CSMD1: variants seen among roughly 807,000 people sequenced by gnomAD.
The protein encoded by CSMD1 is CUB and sushi domain-containing protein 1.
In CSMD1, 213 loss-of-function variants were observed where a neutral mutation model predicts 417.5. The ratio of observed to expected loss-of-function variants is 0.51; its 90% CI spans 0.46 to 0.57. The LOEUF is 0.57. Among genes scored for constraint, CSMD1 ranks in the 20% least tolerant of loss-of-function variants. The pLI, the probability that CSMD1 is intolerant of heterozygous loss-of-function variation, is 0.00. For synonymous variants in CSMD1, 2,862 were observed against 1,736.8 expected, an observed-to-expected ratio of 1.65 and a Z score of -16.11; for missense variants, 6,923 against 4,529.7, an observed-to-expected ratio of 1.53 and a Z score of -15.17.
chr8:4,023,869 G>C (rs1230888988), intron 4 of CSMD1, among the ~76,000 whole-genome samples: 2 of 142,784 alleles, frequency 1.4e-5, no homozygotes, highest in African/African-American at 5.2e-5. Flanking sequence ...TGCCCGCCTT[G>C]GCCTCCCAAA....
intron 3 of CSMD1, among the ~76,000 whole-genome samples, chr8:4,313,897 C>G (rs895703863): frequency 1.3e-5 from 2 of 151,876 alleles, no homozygotes; most frequent in African/African-American, 4.8e-5. Flanking sequence ...ACCTGTAATC[C>G]CAGCTACTTG....
Position 4,850,194 on chromosome 8 carries a change from T to C in CSMD1, c.85+144138A>G, listed in dbSNP as rs573834650. ...AAAATGTATATGAAGATCATTAACC[T>C]ATTTTTTAACTGGGTTATCTGTCAT... On this transcript the variant is annotated intron_variant, in intron 1 of 69. Transcript: ENST00000635120. 9.9e-5 allele frequency among the ~76,000 whole-genome samples: 15 copies of C among 152,256 alleles called. No homozygotes were observed. In the South Asian group the frequency reaches 3.1e-3, roughly 32 times the overall value.
At chr8:3,743,861 T>C (rs1182080688) in intron 6 of CSMD1, among the ~76,000 whole-genome samples, 1 of 152,166 alleles carries the variant, frequency 6.6e-6, no homozygotes, top group Non-Finnish European at 1.5e-5. Flanking sequence ...ATTTCGTCTA[T>C]GTTATCGTAT....
intron 26 of CSMD1, among the ~76,000 whole-genome samples, chr8:3,233,002 T>C (rs982402304): frequency 1.3e-5 from 2 of 152,218 alleles, no homozygotes; most frequent in African/African-American, 4.8e-5. Flanking sequence ...CCTCATACAT[T>C]AAATATTATT....
chr8:3,238,527 G>A (rs976263751), intron 26 of CSMD1, among the ~76,000 whole-genome samples: 4 of 152,090 alleles, frequency 2.6e-5, no homozygotes, highest in Non-Finnish European at 5.9e-5. Flanking sequence ...GCTGCTTGGA[G>A]CGAGACTACG....
At chr8:3,447,804 C>A (rs890143972) in intron 12 of CSMD1, among the ~76,000 whole-genome samples, 1 of 152,126 alleles carries the variant, frequency 6.6e-6, no homozygotes, top group African/African-American at 2.4e-5. Context: ...CAGAATTGAG[C>A]AGGACCACTT....
intron 5 of CSMD1, among the ~76,000 whole-genome samples, chr8:3,821,634 T>A (rs540800937): frequency 6.6e-6 from 1 of 152,156 alleles, no homozygotes; most frequent in African/African-American, 2.4e-5. Flanking sequence ...ATACAAAAAT[T>A]AGCCGGGCAT....
At chr8:4,261,068 C>A (rs1563352541) in intron 3 of CSMD1, among the ~76,000 whole-genome samples, 1 of 152,070 alleles carries the variant, frequency 6.6e-6, no homozygotes. Flanking sequence ...ATTCCGGATA[C>A]CTTGTTTTGT....
chr8:4,341,151 T>C (rs1800454733), intron 3 of CSMD1, among the ~76,000 whole-genome samples: 1 of 152,060 alleles, frequency 6.6e-6, no homozygotes, highest in Non-Finnish European at 1.5e-5. Flanking sequence ...TCCAAGCATT[T>C]TGAATTAGTA....
intron 48 of CSMD1, among the ~76,000 whole-genome samples, chr8:3,090,583 C>G (rs6558716): frequency 0.73 from 110,986 of 152,022 alleles, 40,933 homozygotes; most frequent in African/African-American, 0.82. Flanking sequence ...GCTGTTTTAA[C>G]ACTGTTTCCT....
chr8:3,537,141 C>T (rs748189864), intron 10 of CSMD1, among the ~76,000 whole-genome samples: 2 of 152,036 alleles, frequency 1.3e-5, no homozygotes, highest in Non-Finnish European at 2.9e-5. Flanking sequence ...GTAGCTGGGA[C>T]TACAGGTGCC....
intron 1 of CSMD1, among the ~76,000 whole-genome samples, chr8:4,841,437 CAT>C (rs1800829503): frequency 1.3e-5 from 2 of 152,254 alleles, no homozygotes; most frequent in South Asian, 2.1e-4. Flanking sequence ...ATCCCTACCA[CAT>C]GTTATGTGTT....
rs766947953 is a variant in CSMD1 at position 3,396,317 on chromosome 8, G to C, written c.2470C>G (p.Leu824Val). ...TGGGTGCCGTGGTACTCGCCGATCA[G>C]TGGGGACGAACTGGCTGGCCCATCT... ...VRDGPASSSPLIGEYHGTQAP... is the reference protein window; with the variant it reads ...VRDGPASSSPVIGEYHGTQAP... The change falls in exon 17 of 70, where the codon CTG becomes GTG. Residue 824 changes from leucine (L) to valine (V), a missense_variant. Transcript: ENST00000635120. 5.0e-6 allele frequency: 8 copies of C among 1,608,168 alleles called. No individual in the cohort carries two copies. The Admixed American group carries it at 1.0e-4, about 20-fold the overall frequency.
intron 1 of CSMD1, among the ~76,000 whole-genome samples, chr8:4,829,898 G>C (rs1376219105): frequency 6.6e-6 from 1 of 152,150 alleles, no homozygotes; most frequent in Admixed American, 6.5e-5. Flanking sequence ...AGTCCTTATA[G>C]GTAATGCCAC....
intron 5 of CSMD1, among the ~76,000 whole-genome samples, chr8:3,829,424 T>A (rs1037131604): frequency 2.0e-5 from 3 of 152,116 alleles, no homozygotes; most frequent in African/African-American, 7.2e-5. Context: ...ATGAGATAAG[T>A]CAATACCGGT....
intron 7 of CSMD1, among the ~76,000 whole-genome samples, chr8:3,691,258 C>T (rs1423831481): frequency 6.6e-6 from 1 of 152,016 alleles, no homozygotes; most frequent in Non-Finnish European, 1.5e-5. Context: ...ATCCCAGCTA[C>T]TCAGGAGGCT....
At position 3,045,380 on chromosome 8, in the gene CSMD1, T is replaced by C. The variant is rs541219224; in HGVS notation, c.7660+7082A>G. 4.0e-5 allele frequency among the ~76,000 whole-genome samples: 6 copies of C among 151,580 alleles called. No homozygotes were observed. In the East Asian group the frequency reaches 9.6e-4, roughly 24 times the overall value. On this transcript the variant is annotated intron_variant, in intron 50 of 69. Coordinates refer to ENST00000635120, the MANE Select transcript of CSMD1 (RefSeq NM_033225.6). ...TTTAAAGCAATTGTACATCTAGATA[T>C]GTATTTTAAAACAAAAAAAAATAGG... is the stretch of plus-strand genomic sequence containing the variant.
intron 3 of CSMD1, among the ~76,000 whole-genome samples, chr8:4,286,592 C>T (rs1797068520): frequency 6.6e-6 from 1 of 152,080 alleles, no homozygotes; most frequent in African/African-American, 2.4e-5. Flanking sequence ...ACCTGATAGC[C>T]TCATCTATTA....
chr8:3,569,750 C>G lies in CSMD1; in HGVS notation c.1344+5195G>C, dbSNP rs541737003. On this transcript the variant is annotated intron_variant, in intron 10 of 69. Transcript: ENST00000635120. Reference sequence around the variant, plus strand: ...AGGAATCAAATTAAGCCTAATTATACTTAATGGCAATGGCTGCTGCTTAAT... The same window carrying G: ...AGGAATCAAATTAAGCCTAATTATAGTTAATGGCAATGGCTGCTGCTTAAT... 3.9e-5 allele frequency among the ~76,000 whole-genome samples: 6 copies of G among 152,280 alleles called. No individual in the cohort carries two copies. The East Asian group carries it at 7.7e-4, about 20-fold the overall frequency.
Sources: allele counts gnomAD v4.1 joint callset (sites outside exome capture counted in the v4.1 genomes callset), GRCh38; gene constraint gnomAD v4.1.1; transcripts MANE v1.5; gene names NCBI Gene and HGNC (gene_info 2026-07-23, HGNC 2026-07-21).